TIAM1: variants seen among roughly 807,000 people sequenced by gnomAD.
TIAM1 encodes the protein rho guanine nucleotide exchange factor TIAM1.
Under a neutral mutation model 163.5 loss-of-function variants are expected in TIAM1, and 65 were observed. The observed-to-expected ratio is 0.40, with a 90% CI of 0.33 to 0.49. TIAM1 has a LOEUF of 0.49. Ranked by LOEUF, TIAM1 falls within the 20% of genes least tolerant of loss-of-function variation. TIAM1 has a pLI of 0.77. For missense variants in TIAM1, 1,789 were observed against 2,044.7 expected, an observed-to-expected ratio of 0.87 and a Z score of 2.41; for synonymous variants, 833 against 810.1, an observed-to-expected ratio of 1.03 and a Z score of -0.48.
intron 2 of TIAM1, among the ~76,000 whole-genome samples, chr21:31,439,983 C>T (rs1237938918): frequency 6.6e-6 from 1 of 152,152 alleles, no homozygotes; most frequent in Non-Finnish European, 1.5e-5. Flanking sequence ...GGGTCTTGAT[C>T]ACCGGCAATG....
At chr21:31,246,360 C>A (rs989318164) in intron 5 of TIAM1, among the ~76,000 whole-genome samples, 1 of 152,090 alleles carries the variant, frequency 6.6e-6, no homozygotes, top group East Asian at 1.9e-4. Context: ...ATAGTAGCAA[C>A]AGAATATTTT....
intron 10 of TIAM1, among the ~76,000 whole-genome samples, chr21:31,210,550 G>T (rs2086676741): frequency 9.9e-6 from 1 of 100,594 alleles, no homozygotes; most frequent in Non-Finnish European, 1.8e-5. Context: ...AAGAAAGAAA[G>T]AAAGAAAGAA....
chr21:31,408,355 A>T (rs1339357759), intron 2 of TIAM1, among the ~76,000 whole-genome samples: 1 of 152,192 alleles, frequency 6.6e-6, no homozygotes, highest in African/African-American at 2.4e-5. Context: ...TATCAAGGGG[A>T]CAAGCCAGGA....
At chr21:31,333,835 A>G (rs1159076946) in intron 2 of TIAM1, among the ~76,000 whole-genome samples, 1 of 151,928 alleles carries the variant, frequency 6.6e-6, no homozygotes, top group Non-Finnish European at 1.5e-5. Flanking sequence ...CTGTATCCCA[A>G]AGATGATATT....
intron 2 of TIAM1, among the ~76,000 whole-genome samples, chr21:31,326,705 C>G (rs1334081683): frequency 6.6e-6 from 1 of 152,174 alleles, no homozygotes; most frequent in Non-Finnish European, 1.5e-5. Flanking sequence ...AGATGAAAGG[C>G]ATTTGTTACC....
chr21:31,373,321 C>G (rs2076630307), intron 2 of TIAM1, among the ~76,000 whole-genome samples: 1 of 152,124 alleles, frequency 6.6e-6, no homozygotes, highest in Admixed American at 6.6e-5. Context: ...GCATTAGTCT[C>G]TTTTCACACT....
chr21:31,362,171 A>G (rs977801365), intron 2 of TIAM1, among the ~76,000 whole-genome samples: 2 of 152,060 alleles, frequency 1.3e-5, no homozygotes, highest in African/African-American at 4.8e-5. Context: ...TTTTAAAAAA[A>G]AAAAGATATA....
At chr21:31,383,794 A>C (rs888590816) in intron 2 of TIAM1, among the ~76,000 whole-genome samples, 1 of 152,222 alleles carries the variant, frequency 6.6e-6, no homozygotes, top group African/African-American at 2.4e-5. Context: ...AGCTCATTAC[A>C]GTATGTGGGG....
chr21:31,166,254 A>G (rs1850644719), intron 15 of TIAM1, among the ~76,000 whole-genome samples: 1 of 152,190 alleles, frequency 6.6e-6, no homozygotes, highest in Admixed American at 6.5e-5. Context: ...ATTGAGTACC[A>G]CTGTCCTAAA....
chr21:31,435,239 T>G (rs1205674030), intron 2 of TIAM1, among the ~76,000 whole-genome samples: 1 of 152,186 alleles, frequency 6.6e-6, no homozygotes. Context: ...TCATTCAAGT[T>G]AGTCTTTAAA....
At chr21:31,311,077 G>T (rs1424828308) in intron 2 of TIAM1, among the ~76,000 whole-genome samples, 1 of 151,996 alleles carries the variant, frequency 6.6e-6, no homozygotes, top group East Asian at 1.9e-4. Flanking sequence ...ATAATGAACT[G>T]CCAATAAGCT....
chr21:31,217,444 T>C, intron 9 of TIAM1, 109 bp downstream of exon 9: 4 of 1,455,136 alleles, frequency 2.7e-6, no homozygotes, highest in Non-Finnish European at 3.7e-6. Context: ...TGCCAACTAG[T>C]TGATTTTAAA....
At chr21:31,233,709 A>T (rs529447750) in intron 6 of TIAM1, among the ~76,000 whole-genome samples, 1 of 152,356 alleles carries the variant, frequency 6.6e-6, no homozygotes, top group East Asian at 1.9e-4. Context: ...CCGTCTCAAA[A>T]AAAGACAACT....
At chr21:31,264,579 A>G (rs2072654200) in intron 4 of TIAM1, among the ~76,000 whole-genome samples, 1 of 152,232 alleles carries the variant, frequency 6.6e-6, no homozygotes, top group Non-Finnish European at 1.5e-5. Context: ...GAAGACGTGG[A>G]GCCAAAATAT....
At chr21:31,330,530 C>A (rs2075644901) in intron 2 of TIAM1, among the ~76,000 whole-genome samples, 1 of 152,166 alleles carries the variant, frequency 6.6e-6, no homozygotes, top group African/African-American at 2.4e-5. Flanking sequence ...CCTCCCCATC[C>A]CAGGCTCAAG....
At chr21:31,479,550 A>C (rs1306392783) in intron 1 of TIAM1, among the ~76,000 whole-genome samples, 1 of 152,096 alleles carries the variant, frequency 6.6e-6, no homozygotes, top group Non-Finnish European at 1.5e-5. Flanking sequence ...AAGTTTTAGG[A>C]ATTTTGTAGA....
chr21:31,124,365 A>C, intron 27 of TIAM1, 157 bp downstream of exon 27: 2 of 1,050,982 alleles, frequency 1.9e-6, no homozygotes, highest in Admixed American at 3.5e-5. Context: ...GGAAGGAGGC[A>C]AGGGCAAGGA....
In TIAM1 at chr21:31,553,355, A is replaced by C. The variant is rs138046849; in HGVS notation, c.-422+5572T>G. On this transcript the variant is annotated intron_variant, in intron 1 of 28. Coordinates refer to the TIAM1 transcript ENST00000286827. ...TTCCAAAGATATCCTGTGTCCTGTGAGGAGATGGAGATGCACATTCTGCAA... is the reference window on the plus strand; with the variant it reads ...TTCCAAAGATATCCTGTGTCCTGTGCGGAGATGGAGATGCACATTCTGCAA... 5.3e-3 allele frequency among the ~76,000 whole-genome samples: 802 copies of C among 152,298 alleles called. 20 individuals carry two copies. Among genetic ancestry groups the C allele is most frequent in the Admixed American group, 0.043 (650 of 15,294 alleles).
chr21:31,141,354 G>T lies in TIAM1; in HGVS notation c.3626C>A (p.Ala1209Glu). 1 of 1,614,192 alleles carries T rather than the reference G, an allele frequency of 6.2e-7. No homozygotes were observed. The highest frequency in any genetic ancestry group is 8.5e-7 in the Non-Finnish European group (1 of 1,180,028). Reference sequence around the variant, plus strand: ...CAGGTGGTAGTGCTCCTCGCTCTCCGCATCGGTCAGGGCGAACAGCTCCCT... The same window carrying T: ...CAGGTGGTAGTGCTCCTCGCTCTCCTCATCGGTCAGGGCGAACAGCTCCCT... ...LLRELFALTD[A>E]ESEEHYHLDV... Residue 1209 changes from alanine (A) to glutamate (E), a missense_variant, in exon 21 of 28, where the codon GCG becomes GAG. Physicochemically the swap from Ala to Glu is moderately radical, Grantham distance 107. This residue lies in a region of TIAM1 where 60 missense variants were observed against 132.6 expected (regional missense o/e 0.45). Coordinates refer to ENST00000541036, the MANE Select transcript of TIAM1 (RefSeq NM_001353694.2). The surrounding 1 kb of genome is among the most constrained non-coding windows in gnomAD (Gnocchi z 4.7).
Sources: gnomAD v4.1 joint callset for allele counts (sites outside exome capture counted in the v4.1 genomes callset) on GRCh38, gnomAD v4.1.1 for gene constraint, gnomAD v4.1.1 regional missense constraint, Gnocchi (gnomAD v3.1) non-coding constraint, MANE v1.5 for transcripts, NCBI Gene and HGNC (gene_info 2026-07-23, HGNC 2026-07-21) for gene names.